Variants in SVOP observed in about 807,000 individuals in gnomAD.
The protein encoded by SVOP is SV2 related protein.
Under a neutral mutation model 69.1 loss-of-function variants are expected in SVOP, and 17 were observed. That is an observed-to-expected ratio of 0.25 (90% CI 0.17 to 0.37). The LOEUF (loss-of-function observed/expected upper bound fraction) is 0.37. SVOP is among the 10% of genes least tolerant of loss of function. The probability of loss-of-function intolerance (pLI) is 1.00; values close to 1 mark genes in which losing one functional copy is unlikely to be tolerated. For missense variants in SVOP, 435 were observed against 597.5 expected (o/e 0.73, Z 2.84); for synonymous variants, 238 against 238.6 (o/e 1.00, Z 0.02).
chr12:108,956,939 T>C (rs933884323), intron 6 of SVOP, among the ~76,000 whole-genome samples: 7 of 152,194 alleles, frequency 4.6e-5, no homozygotes, highest in Non-Finnish European at 8.8e-5. Flanking sequence ...CAGGACACAA[T>C]ACCCACTTAA....
intron 6 of SVOP, among the ~76,000 whole-genome samples, chr12:108,954,355 T>G (rs943877313): frequency 7.2e-5 from 11 of 152,178 alleles, no homozygotes; most frequent in African/African-American, 2.2e-4. Flanking sequence ...GTGTCTGGAA[T>G]GTAATGATAG....
At chr12:108,972,618 A>T in intron 4 of SVOP, 142 bp from the exon 5 acceptor site, 2 of 827,854 alleles carry the variant, frequency 2.4e-6, no homozygotes, top group South Asian at 3.1e-5. Flanking sequence ...AGGGGCAAAC[A>T]CTAAGTGCTT....
chr12:109,003,886 G>C (rs1337160787), intron 1 of SVOP, among the ~76,000 whole-genome samples: 1 of 152,316 alleles, frequency 6.6e-6, no homozygotes, highest in Non-Finnish European at 1.5e-5. Flanking sequence ...GGGATTACAG[G>C]CGTGAGCCAC....
chr12:108,934,206 T>A lies in SVOP; in HGVS notation c.1037A>T (p.Asp346Val). ...LLTTELFQAG[D>V]VCGISSRKKA... Reference sequence around the variant, plus strand: ...ACCAAGATACTCACTGCCGCAGACATCTCCTGCCTGGAAGAGTTCTGTGGT... The same window carrying A: ...ACCAAGATACTCACTGCCGCAGACAACTCCTGCCTGGAAGAGTTCTGTGGT... The change falls in exon 11 of 16, where the codon GAT (aspartate) becomes GTT (valine). Residue 346 changes from aspartate (D) to valine (V), a missense_variant. Transcript: ENST00000610966. The A allele has an allele frequency of 6.2e-7, 1 of 1,603,874 alleles. No homozygotes were observed. Among genetic ancestry groups the A allele is most frequent in the South Asian group, 1.1e-5 (1 of 88,558 alleles).
At chr12:108,940,944 A>T (rs2039887931) in intron 7 of SVOP, 35 bp from the exon 8 acceptor site, 7 of 1,532,842 alleles carry the variant, frequency 4.6e-6, no homozygotes, top group Non-Finnish European at 4.4e-6. Flanking sequence ...TGGTGGGGGT[A>T]GCATGGTCCA....
intron 2 of SVOP, among the ~76,000 whole-genome samples, chr12:108,983,065 C>CATCATTACTATCATG (rs2040150058): frequency 6.6e-6 from 1 of 151,274 alleles, no homozygotes; most frequent in African/African-American, 2.4e-5. Flanking sequence ...TCACCATCAC[C>CATCATTACTATCATG]ATCATCACCA....
chr12:109,016,996 C>T (rs962500362), intron 1 of SVOP, among the ~76,000 whole-genome samples: 1 of 152,104 alleles, frequency 6.6e-6, no homozygotes, highest in East Asian at 1.9e-4. Flanking sequence ...AGACAATTCT[C>T]ATAATTATTT....
At chr12:109,003,479 A>T (rs2040285962) in intron 1 of SVOP, among the ~76,000 whole-genome samples, 2 of 152,196 alleles carry the variant, frequency 1.3e-5, no homozygotes, top group South Asian at 4.1e-4. Context: ...TGAAGAGGAA[A>T]ATTGTGAGCA....
At position 108,909,808 on chromosome 12, in the gene SVOP, A is replaced by G. The variant is rs1385380482; in HGVS notation, c.*2727T>C. 3 of 152,202 alleles carry G rather than the reference A, an allele frequency of 2.0e-5. No individual in the cohort carries two copies. Among genetic ancestry groups the G allele is most frequent in the Non-Finnish European group, 4.4e-5 (3 of 68,030 alleles). The allele number at this position is 152,202 out of a possible 1,614,324, so 9.4% of individuals were successfully genotyped here. On this transcript the variant is annotated 3_prime_UTR_variant, in exon 16 of 16. Transcript: ENST00000610966. ...ATTAACGAAAATAGGAGCTTTTTGA[A>G]TAGGATTGTTCAAAATTAGATACAA...
chr12:108,946,674 T>G (rs1410163002), intron 6 of SVOP, among the ~76,000 whole-genome samples: 1 of 149,110 alleles, frequency 6.7e-6, no homozygotes, highest in Non-Finnish European at 1.5e-5. Flanking sequence ...TTTTATTCCA[T>G]GAGTTGCAAC....
At chr12:109,018,545 T>C (rs1460558116) in intron 1 of SVOP, among the ~76,000 whole-genome samples, 1 of 152,150 alleles carries the variant, frequency 6.6e-6, no homozygotes, top group Non-Finnish European at 1.5e-5. Flanking sequence ...GCCATATTGC[T>C]CTCGGGAAAT....
chr12:108,944,785 C>T (rs2137409843), intron 7 of SVOP, among the ~76,000 whole-genome samples: 1 of 152,270 alleles, frequency 6.6e-6, no homozygotes, highest in South Asian at 2.1e-4. Flanking sequence ...GTTCGGTCTA[C>T]TCACACCACA....
At chr12:108,987,876 G>A (rs1330432659) in intron 1 of SVOP, among the ~76,000 whole-genome samples, 1 of 151,822 alleles carries the variant, frequency 6.6e-6, no homozygotes, top group Non-Finnish European at 1.5e-5. Flanking sequence ...CCATTCTTTG[G>A]ATTGCCTTTT....
In SVOP at chr12:108,908,785, G is replaced by A. The variant is rs971019027; in HGVS notation, c.*3750C>T. The A allele has an allele frequency of 6.6e-6, 1 of 152,234 alleles. No individual in the cohort carries two copies. Among genetic ancestry groups the A allele is most frequent in the Non-Finnish European group, 1.5e-5 (1 of 68,064 alleles). The allele number at this position is 152,234 out of a possible 1,614,324, so 9.4% of individuals were successfully genotyped here. Reference sequence around the variant, plus strand: ...AACCATCGCCCATCCAACAGCCATTGCTATCCTTCTTCTGTGCTAACAGAA... The same window carrying A: ...AACCATCGCCCATCCAACAGCCATTACTATCCTTCTTCTGTGCTAACAGAA... On this transcript the variant is annotated 3_prime_UTR_variant, in exon 16 of 16. Coordinates refer to ENST00000610966, the MANE Select transcript of SVOP (RefSeq NM_018711.5).
At chr12:108,941,876 G>T (rs2039893145) in intron 7 of SVOP, among the ~76,000 whole-genome samples, 1 of 151,748 alleles carries the variant, frequency 6.6e-6, no homozygotes, top group African/African-American at 2.4e-5. Context: ...TGTTGGCCAG[G>T]GTGGTCTTGA....
intron 4 of SVOP, among the ~76,000 whole-genome samples, chr12:108,973,694 T>C (rs1322228575): frequency 6.6e-6 from 1 of 152,186 alleles, no homozygotes; most frequent in East Asian, 1.9e-4. Context: ...CCACTACACC[T>C]GGCCCGAATG....
rs1385747985 is a variant in SVOP at position 108,922,790 on chromosome 12, A to C, written c.1056T>G (p.Ser352Arg). 1.9e-6 allele frequency: 3 copies of C among 1,604,122 alleles called. No homozygotes were observed. Among genetic ancestry groups the C allele is most frequent in the Admixed American group, 1.7e-5 (1 of 58,532 alleles). ...FQAGDVCGIS[S>R]RKKAVEAKCS... ...ATTTTGCCTCTACAGCCTTCTTCCG[A>C]CTGGAGACTGGGGTTGGGAGAGAGA... The change falls in exon 12 of 16, where the codon AGT (serine) becomes AGG (arginine). Residue 352 changes from serine to arginine, a missense_variant. Coordinates refer to ENST00000610966, the MANE Select transcript of SVOP (RefSeq NM_018711.5).
At chr12:108,965,635 A>G in intron 5 of SVOP, among the ~76,000 whole-genome samples, 1 of 71,734 alleles carries the variant, frequency 1.4e-5, no homozygotes, top group South Asian at 8.1e-4. Flanking sequence ...TGCAGGATAA[A>G]TAAAACACAT....
rs1224876490 is a variant in SVOP, at chr12:108,940,769, T to C, written c.768+15A>G. Reference sequence around the variant, plus strand: ...GTCAGACAGCAAAAGGTGAAATCTCTTAAAGGATACCTACGAAACACAGCA... The same window carrying C: ...GTCAGACAGCAAAAGGTGAAATCTCCTAAAGGATACCTACGAAACACAGCA... On this transcript the variant is annotated intron_variant, in intron 8 of 15. Coordinates refer to ENST00000610966, the MANE Select transcript of SVOP (RefSeq NM_018711.5). 7 of 1,536,762 alleles carry C rather than the reference T, an allele frequency of 4.6e-6. No individual in the cohort carries two copies. Among genetic ancestry groups the C allele is most frequent in the Non-Finnish European group, 5.2e-6 (6 of 1,146,662 alleles).
Sources: allele counts gnomAD v4.1 joint callset (sites outside exome capture counted in the v4.1 genomes callset), GRCh38; gene constraint gnomAD v4.1.1; transcripts MANE v1.5; gene names NCBI Gene and HGNC (gene_info 2026-07-23, HGNC 2026-07-21).